The following USP9X variants were observed in gnomAD, a reference collection of about 807,000 sequenced individuals.
The protein encoded by USP9X is ubiquitin carboxyl-terminal hydrolase 9X.
In USP9X, 7 loss-of-function variants were observed where a neutral mutation model predicts 190.3. That is an observed-to-expected ratio of 0.04 (90% CI 0.02 to 0.07). The LOEUF (loss-of-function observed/expected upper bound fraction) is 0.07. Among genes scored for constraint, USP9X ranks in the 10% least tolerant of loss-of-function variants. The pLI is 1.00. For missense variants in USP9X, 1,010 were observed against 1,916.9 expected (o/e 0.53, Z 8.83); for synonymous variants, 645 against 659.5 (o/e 0.98, Z 0.34).
At chrX:41,101,695 T>A (rs112167616) in intron 1 of USP9X, among the ~76,000 whole-genome samples, 13,308 of 111,363 alleles carry the variant, frequency 0.12, 810 homozygotes, top group Non-Finnish European at 0.19. Context: ...AAAAAATAAA[T>A]AAATAATGAC....
Position 41,234,556 on chromosome X carries a change from TA to T in USP9X, c.*2033del, listed in dbSNP as rs2063387431. 1 of 111,943 alleles carries T rather than the reference TA, an allele frequency of 8.9e-6. No homozygotes were observed. The highest frequency in any genetic ancestry group is 1.9e-5 in the Non-Finnish European group (1 of 53,167). The allele number at this position is 111,943 out of a possible 1,213,427, so 9.2% of individuals were successfully genotyped here. On this transcript the variant is annotated 3_prime_UTR_variant, in exon 45 of 45. Coordinates refer to ENST00000378308, the MANE Select transcript of USP9X (RefSeq NM_001039591.3). Reference sequence around the variant, plus strand: ...TTCCAACTGATTTTTGTTTTGTTTTTATTTTTTTGTTGTTTTCTTCTTTGAG... The same window carrying T: ...TTCCAACTGATTTTTGTTTTGTTTTTTTTTTTTGTTGTTTTCTTCTTTGAG...
intron 39 of USP9X, among the ~76,000 whole-genome samples, chrX:41,223,922 G>A (rs2147263955): frequency 8.9e-6 from 1 of 111,969 alleles, no homozygotes; most frequent in East Asian, 2.8e-4. Context: ...AACTTTTTAG[G>A]CTGGGCTCAG....
chrX:41,205,210 G>A (rs765347317), intron 31 of USP9X, 93 bp from the exon 32 acceptor site: 90 of 675,695 alleles, frequency 1.3e-4, no homozygotes, highest in Non-Finnish European at 1.7e-4. Context: ...GAGCATAATA[G>A]GAATACAAAT....
At chrX:41,166,643 T>G (rs1402094698) in intron 16 of USP9X, among the ~76,000 whole-genome samples, 1 of 112,132 alleles carries the variant, frequency 8.9e-6, no homozygotes, top group Non-Finnish European at 1.9e-5. Flanking sequence ...GTTTACCTTG[T>G]GATATTTTTA....
At chrX:41,209,566 G>C (rs752410009) in intron 32 of USP9X, among the ~76,000 whole-genome samples, 1 of 111,280 alleles carries the variant, frequency 9.0e-6, no homozygotes, top group Admixed American at 9.6e-5. Context: ...CTTTATAAAG[G>C]GTACCTTTTC....
rs1413600565 is a variant in USP9X, at chrX:41,235,793, G to A, written c.*3269G>A. On this transcript the variant is annotated 3_prime_UTR_variant, in exon 45 of 45. Coordinates refer to ENST00000378308, the MANE Select transcript of USP9X (RefSeq NM_001039591.3). Reference sequence around the variant, plus strand: ...GTGTATACAAATTTAGAATTAAAATGTTTTCTATTTTTTTCATGATTAACT... The same window carrying A: ...GTGTATACAAATTTAGAATTAAAATATTTTCTATTTTTTTCATGATTAACT... 9.0e-6 allele frequency: 1 copy of A among 111,071 alleles called. No homozygotes were observed. Among genetic ancestry groups the A allele is most frequent in the Non-Finnish European group, 1.9e-5 (1 of 52,884 alleles). 9.2% of individuals were successfully genotyped at this position (111,071 alleles called of 1,213,427 possible).
At chrX:41,107,526 A>C (rs1217908174) in intron 1 of USP9X, among the ~76,000 whole-genome samples, 1 of 111,965 alleles carries the variant, frequency 8.9e-6, no homozygotes, top group Admixed American at 9.5e-5. Flanking sequence ...AATTTATCCT[A>C]CTTGGAATTT....
intron 1 of USP9X, among the ~76,000 whole-genome samples, chrX:41,117,679 G>A (rs1178598911): frequency 2.9e-5 from 3 of 102,866 alleles, no homozygotes; most frequent in African/African-American, 7.2e-5. Flanking sequence ...CTGGGTTCAC[G>A]CCATTCTCCT....
intron 5 of USP9X, among the ~76,000 whole-genome samples, chrX:41,136,164 T>C (rs2147032936): frequency 8.9e-6 from 1 of 111,830 alleles, no homozygotes. Context: ...TTATTTTATT[T>C]ATTTTTATTT....
At chrX:41,087,252 A>G (rs1474724882) in intron 1 of USP9X, among the ~76,000 whole-genome samples, 1 of 112,187 alleles carries the variant, frequency 8.9e-6, no homozygotes, top group Non-Finnish European at 1.9e-5. Flanking sequence ...GAGTCCCTAA[A>G]TCTACTTAAC....
At chrX:41,103,570 T>C (rs1569149269) in intron 1 of USP9X, among the ~76,000 whole-genome samples, 2 of 112,361 alleles carry the variant, frequency 1.8e-5, no homozygotes, top group Non-Finnish European at 3.8e-5. Flanking sequence ...TACACTGCCA[T>C]CTGTCACGTT....
intron 20 of USP9X, chrX:41,171,586 T>C: frequency 2.7e-6 from 1 of 368,719 alleles, no homozygotes. Context: ...AAATTGTATA[T>C]ATGAGAGAAA....
At chrX:41,159,724 A>C (rs375834568) in intron 14 of USP9X, among the ~76,000 whole-genome samples, 6 of 110,036 alleles carry the variant, frequency 5.5e-5, no homozygotes, top group Non-Finnish European at 9.5e-5. Context: ...CGGTTTCGCC[A>C]TGTTGGCCAG....
intron 20 of USP9X, 59 bp downstream of exon 20, chrX:41,170,678 A>T: frequency 9.2e-7 from 1 of 1,089,973 alleles, no homozygotes; most frequent in Non-Finnish European, 1.2e-6. Context: ...GTTTTTGAGA[A>T]TAAAGTATAT....
intron 32 of USP9X, among the ~76,000 whole-genome samples, chrX:41,208,037 G>GT (rs1266855607): frequency 0.013 from 1,293 of 99,968 alleles, 13 homozygotes; most frequent in African/African-American, 0.03. Flanking sequence ...CTTATACTGG[G>GT]TTTTTTTTTT....
chrX:41,205,881 CTTTTTCTT>C (rs1369761981), intron 32 of USP9X, among the ~76,000 whole-genome samples: 4 of 85,339 alleles, frequency 4.7e-5, no homozygotes, highest in Admixed American at 1.3e-4. Flanking sequence ...TTTTCTTTTT[CTTTTTCTT>C]TTTTTCTTTT....
intron 30 of USP9X, among the ~76,000 whole-genome samples, chrX:41,199,840 G>A (rs2063026807): frequency 8.9e-6 from 1 of 111,816 alleles, no homozygotes; most frequent in South Asian, 3.7e-4. Context: ...TAGAACGTGA[G>A]AAGTTACCAT....
At chrX:41,118,543 CTT>C (rs752827909) in intron 1 of USP9X, among the ~76,000 whole-genome samples, 16 of 111,892 alleles carry the variant, frequency 1.4e-4, no homozygotes, top group East Asian at 1.4e-3. Context: ...CCTGGAAAGA[CTT>C]TTAAAAGAGA....
intron 32 of USP9X, among the ~76,000 whole-genome samples, 187 bp from the exon 33 acceptor site, chrX:41,210,322 C>G (rs886693600): frequency 8.9e-6 from 1 of 112,065 alleles, no homozygotes; most frequent in Non-Finnish European, 1.9e-5. Flanking sequence ...CTCTCTTACC[C>G]CACTACATTC....
Sources: allele counts gnomAD v4.1 joint callset (sites outside exome capture counted in the v4.1 genomes callset), GRCh38; gene constraint gnomAD v4.1.1; transcripts MANE v1.5; gene names NCBI Gene and HGNC (gene_info 2026-07-23, HGNC 2026-07-21).